Variants in EXOC4 observed in about 807,000 individuals in gnomAD.
EXOC4 encodes the protein SEC8-like 1.
A neutral mutation model predicts 107.2 loss-of-function variants in EXOC4; 71 were observed. That is an observed-to-expected ratio of 0.66 (90% confidence interval 0.55 to 0.81). EXOC4 has a LOEUF of 0.81. EXOC4 is among the 30% of genes least tolerant of loss of function. EXOC4 has a pLI of 0.00. For synonymous variants in EXOC4, 456 were observed against 441.2 expected, an observed-to-expected ratio of 1.03 and a Z score of -0.42; for missense variants, 1,108 against 1,189.6, an observed-to-expected ratio of 0.93 and a Z score of 1.01.
At chr7:134,094,735 A>G in the EXOC4 span, among the ~76,000 whole-genome samples, 3 of 152,178 alleles carry the variant, frequency 2.0e-5, no homozygotes, top group East Asian at 1.9e-4. Context: ...AACAAAAACC[A>G]TATGATCATC....
At chr7:133,282,692 T>G (rs2150535181) in intron 2 of EXOC4, among the ~76,000 whole-genome samples, 1 of 152,270 alleles carries the variant, frequency 6.6e-6, no homozygotes, top group East Asian at 1.9e-4. Context: ...GTAGAGAGCA[T>G]GATGTTTTGA....
intron 9 of EXOC4, among the ~76,000 whole-genome samples, chr7:133,609,845 C>A (rs1021848047): frequency 3.3e-5 from 5 of 152,188 alleles, no homozygotes; most frequent in African/African-American, 1.2e-4. Flanking sequence ...GGTGTAGTTA[C>A]ACAACAGAAA....
intron 12 of EXOC4, among the ~76,000 whole-genome samples, chr7:133,913,300 T>A (rs976444533): frequency 6.6e-6 from 1 of 152,154 alleles, no homozygotes; most frequent in Admixed American, 6.5e-5. Flanking sequence ...TACCTGGAAT[T>A]AGAAGTCACT....
chr7:133,499,781 A>C (rs995827025), intron 9 of EXOC4, among the ~76,000 whole-genome samples: 1 of 152,106 alleles, frequency 6.6e-6, no homozygotes, highest in Non-Finnish European at 1.5e-5. Flanking sequence ...TGCTCATGCC[A>C]TGTAAGAAGC....
At chr7:133,762,956 A>G (rs2151153542) in intron 10 of EXOC4, among the ~76,000 whole-genome samples, 1 of 152,288 alleles carries the variant, frequency 6.6e-6, no homozygotes, top group Non-Finnish European at 1.5e-5. Context: ...GTATATATTA[A>G]TAATTACATA....
chr7:133,289,526 CT>C (rs1358929112), intron 3 of EXOC4, among the ~76,000 whole-genome samples: 1 of 152,136 alleles, frequency 6.6e-6, no homozygotes, highest in Non-Finnish European at 1.5e-5. Flanking sequence ...GGGCTTTGTT[CT>C]TTTCCTTGAA....
intron 9 of EXOC4, among the ~76,000 whole-genome samples, chr7:133,505,825 G>A (rs954722390): frequency 1.3e-5 from 2 of 152,024 alleles, no homozygotes; most frequent in South Asian, 4.1e-4. Flanking sequence ...TAGCTTGGAT[G>A]ACTTTTTACA....
intron 17 of EXOC4, among the ~76,000 whole-genome samples, chr7:134,062,125 C>T (rs1440136309): frequency 6.6e-6 from 1 of 152,128 alleles, no homozygotes; most frequent in Non-Finnish European, 1.5e-5. Flanking sequence ...GAAAATTAGC[C>T]CCCTGTACAC....
intron 10 of EXOC4, among the ~76,000 whole-genome samples, chr7:133,636,504 C>G (rs1802715584): frequency 6.6e-6 from 1 of 152,136 alleles, no homozygotes; most frequent in Non-Finnish European, 1.5e-5. Context: ...GCATTTGGCT[C>G]TTTAGGGTAA....
At chr7:133,606,517 A>ATTATTTT (rs781270561) in intron 9 of EXOC4, among the ~76,000 whole-genome samples, 2 of 136,920 alleles carry the variant, frequency 1.5e-5, no homozygotes, top group Admixed American at 7.2e-5. Context: ...TATTATTATT[A>ATTATTTT]TTTTTTTTTT....
intron 13 of EXOC4, among the ~76,000 whole-genome samples, chr7:133,920,915 T>C (rs778935058): frequency 3.9e-5 from 6 of 152,212 alleles, no homozygotes; most frequent in Non-Finnish European, 8.8e-5. Context: ...AAGGATAATT[T>C]CACTAGGTAC....
intron 12 of EXOC4, among the ~76,000 whole-genome samples, chr7:133,899,745 CTTTTTTT>C (rs35095963): frequency 2.3e-5 from 2 of 86,242 alleles, no homozygotes; most frequent in Admixed American, 1.3e-4. Context: ...CAGATGTACT[CTTTTTTT>C]TTTTTTTTTT....
intron 14 of EXOC4, among the ~76,000 whole-genome samples, chr7:133,953,252 T>C (rs1800734247): frequency 6.6e-6 from 1 of 152,106 alleles, no homozygotes; most frequent in South Asian, 2.1e-4. Context: ...GTTTGCTGCC[T>C]TCAAATCAAT....
chr7:133,599,636 C>T (rs1171114174), intron 9 of EXOC4, among the ~76,000 whole-genome samples: 1 of 152,142 alleles, frequency 6.6e-6, no homozygotes, highest in African/African-American at 2.4e-5. Context: ...TGGACCTTTT[C>T]TGGACATTCG....
intron 10 of EXOC4, among the ~76,000 whole-genome samples, chr7:133,660,177 A>T (rs934476638): frequency 1.3e-5 from 2 of 148,428 alleles, no homozygotes; most frequent in Non-Finnish European, 3.0e-5. Context: ...GTTTTCATTA[A>T]TTTTTTTTTT....
chr7:133,262,355 T>C (rs1443536371), intron 1 of EXOC4, among the ~76,000 whole-genome samples: 1 of 151,538 alleles, frequency 6.6e-6, no homozygotes, highest in Admixed American at 6.6e-5. Flanking sequence ...TTGGTCCTTA[T>C]AGTGGCCAGT....
chr7:133,942,558 T>G (rs1800456281), intron 14 of EXOC4, among the ~76,000 whole-genome samples: 1 of 152,182 alleles, frequency 6.6e-6, no homozygotes, highest in Non-Finnish European at 1.5e-5. Flanking sequence ...CTGGTCTAAC[T>G]CAGTCATTTT....
chr7:133,581,247 GAA>G (rs1463815444), intron 9 of EXOC4, among the ~76,000 whole-genome samples: 1 of 152,196 alleles, frequency 6.6e-6, no homozygotes, highest in East Asian at 1.9e-4. Flanking sequence ...TTTGACAGCT[GAA>G]GAGACTGACA....
At chr7:133,903,392 C>G (rs746727208) in intron 12 of EXOC4, among the ~76,000 whole-genome samples, 3 of 152,192 alleles carry the variant, frequency 2.0e-5, no homozygotes, top group Admixed American at 6.5e-5. Flanking sequence ...GAAATGAAGA[C>G]TCTTTGCACT....
Sources: gnomAD v4.1 joint callset for allele counts (sites outside exome capture counted in the v4.1 genomes callset) on GRCh38, gnomAD v4.1.1 for gene constraint, MANE v1.5 for transcripts, NCBI Gene and HGNC (gene_info 2026-07-23, HGNC 2026-07-21) for gene names.